ZMYM2: variants seen among roughly 807,000 people sequenced by gnomAD.
The protein encoded by ZMYM2 is zinc finger MYM-type containing 2.
In ZMYM2, 56 loss-of-function variants were observed where a neutral mutation model predicts 162.8. The ratio of observed to expected loss-of-function variants is 0.34; its 90% CI spans 0.28 to 0.43. The LOEUF (loss-of-function observed/expected upper bound fraction) is 0.43. Ranked by LOEUF, ZMYM2 falls within the 20% of genes least tolerant of loss-of-function variation. The probability of loss-of-function intolerance (pLI) is 1.00; values close to 1 mark genes in which losing one functional copy is unlikely to be tolerated. For missense variants in ZMYM2, 1,275 were observed against 1,621.8 expected (o/e 0.79, Z 3.67); for synonymous variants, 510 against 541.6 (o/e 0.94, Z 0.81).
intron 2 of ZMYM2, among the ~76,000 whole-genome samples, chr13:19,976,104 C>T (rs909630432): frequency 5.3e-5 from 8 of 151,990 alleles, no homozygotes; most frequent in African/African-American, 1.7e-4. Context: ...GAGGCCGAAG[C>T]GGGCAGATCA....
chr13:19,929,960 T>G, the ZMYM2 span, among the ~76,000 whole-genome samples: 1 of 152,214 alleles, frequency 6.6e-6, no homozygotes, highest in African/African-American at 2.4e-5. Context: ...AATAATACAC[T>G]GGCATAAAGC....
intron 11 of ZMYM2, among the ~76,000 whole-genome samples, chr13:20,034,762 C>T (rs901722179): frequency 1.3e-5 from 2 of 152,138 alleles, no homozygotes; most frequent in Admixed American, 1.3e-4. Context: ...ACTACCTAAC[C>T]TGCAAAGGTT....
intron 2 of ZMYM2, among the ~76,000 whole-genome samples, chr13:19,962,349 G>T (rs1955308421): frequency 6.6e-6 from 1 of 151,460 alleles, no homozygotes; most frequent in South Asian, 2.1e-4. Context: ...TGAAACCCTG[G>T]TGTCAAAAGG....
At chr13:19,985,789 T>C (rs552392813) in intron 2 of ZMYM2, among the ~76,000 whole-genome samples, 1 of 151,902 alleles carries the variant, frequency 6.6e-6, no homozygotes, top group East Asian at 1.9e-4. Flanking sequence ...GGCACAAGAA[T>C]TACTTGAACC....
chr13:20,019,567 C>T lies in ZMYM2; in HGVS notation c.1533C>T (p.Phe511=). Residue 511 remains phenylalanine, a synonymous_variant, in exon 7 of 25, where the codon TTC becomes TTT. Transcript: ENST00000610343. ...TTTAGGTAGGTAGCCATCCAAGCTT[C>T]CTGAAGGAGGTTCGAGATCACATGC... is the stretch of plus-strand genomic sequence containing the variant. The part of the protein sequence containing the change: ...EYKQVGSHPS[F]LKEVRDHMQD... 6.3e-7 allele frequency: 1 copy of T among 1,593,506 alleles called. No homozygotes were observed. Among genetic ancestry groups the T allele is most frequent in the Non-Finnish European group, 8.6e-7 (1 of 1,169,354 alleles).
the ZMYM2 span, among the ~76,000 whole-genome samples, chr13:19,909,132 TTA>T: frequency 6.6e-6 from 1 of 152,222 alleles, no homozygotes; most frequent in Non-Finnish European, 1.5e-5. Context: ...TTTCTGGATT[TTA>T]TGTTTATATA....
intron 11 of ZMYM2, among the ~76,000 whole-genome samples, chr13:20,035,123 C>A (rs1313944319): frequency 6.6e-6 from 1 of 152,108 alleles, no homozygotes; most frequent in East Asian, 1.9e-4. Context: ...TGTCTGCTAT[C>A]TTCACCTATA....
chr13:19,939,802 G>C, the ZMYM2 span, among the ~76,000 whole-genome samples: 1 of 152,112 alleles, frequency 6.6e-6, no homozygotes, highest in Non-Finnish European at 1.5e-5. Context: ...CAGAACTATA[G>C]TAAGCACTTT....
In ZMYM2 at chr13:20,066,937, G is replaced by T; in HGVS notation, c.3219G>T (p.Thr1073=). ...NSECSFPFKY[T]YGVNAWKHWV... ...AATGCAGCTTTCCTTTCAAATATAC[G>T]TATGGCGTAAATGCATGGAAACACT... The change falls in exon 20 of 25, where the codon ACG becomes ACT. Residue 1073 remains threonine, a synonymous_variant. Coordinates refer to ENST00000610343, the MANE Select transcript of ZMYM2 (RefSeq NM_197968.4). 1 of 1,613,440 alleles carries T rather than the reference G, an allele frequency of 6.2e-7. No homozygotes were observed. Among genetic ancestry groups the T allele is most frequent in the African/African-American group, 1.3e-5 (1 of 75,006 alleles).
At chr13:20,050,831 A>G (rs992495912) in intron 12 of ZMYM2, among the ~76,000 whole-genome samples, 1 of 152,064 alleles carries the variant, frequency 6.6e-6, no homozygotes, top group African/African-American at 2.4e-5. Flanking sequence ...ATGTGGGTCA[A>G]ATTGCTTGTC....
At position 19,993,652 on chromosome 13, in the gene ZMYM2, G is replaced by A; in HGVS notation, c.580G>A (p.Val194Ile). 1.2e-6 allele frequency: 2 copies of A among 1,614,060 alleles called. No homozygotes were observed. The highest frequency in any genetic ancestry group is 8.5e-7 in the Non-Finnish European group (1 of 1,179,930). ...TAATGTTACAACTTTAGAAACAGGT[G>A]TAAGCTCTGTGAATGATGGCCAATT... ...IANVTTLETG[V>I]SSVNDGQLEN... The change falls in exon 3 of 25, where the codon GTA becomes ATA. Residue 194 changes from valine to isoleucine, a missense_variant. Coordinates refer to ENST00000610343, the MANE Select transcript of ZMYM2 (RefSeq NM_197968.4).
Position 20,066,875 on chromosome 13 carries a change from G to A in ZMYM2, c.3157G>A (p.Gly1053Arg), listed in dbSNP as rs1219235230. 6.2e-7 allele frequency: 1 copy of A among 1,607,306 alleles called. No individual in the cohort carries two copies. Among genetic ancestry groups the A allele is most frequent in the Non-Finnish European group, 8.5e-7 (1 of 1,177,178 alleles). Residue 1053 changes from glycine to arginine, a missense_variant, in exon 20 of 25, where the codon GGA (glycine) becomes AGA (arginine). Around this residue, in one of 10 missense-constraint regions of ZMYM2, gnomAD observed 229 missense variants for 283.8 expected, o/e 0.81. Coordinates refer to ENST00000610343, the MANE Select transcript of ZMYM2 (RefSeq NM_197968.4). ...KKGAKRKAVS[G>R]YQSHDDSSDN... ...GGGAGCCAAGAGAAAGGCTGTATCA[G>A]GATACCAGTCTCATGATGATAGTTC...
intron 14 of ZMYM2, among the ~76,000 whole-genome samples, chr13:20,053,072 GCCAT>G (rs1955505192): frequency 6.6e-6 from 1 of 152,118 alleles, no homozygotes; most frequent in Admixed American, 6.5e-5. Context: ...GTTGAAAGTG[GCCAT>G]TGATGTTACT....
the ZMYM2 span, among the ~76,000 whole-genome samples, chr13:19,934,520 A>G: frequency 2.0e-5 from 3 of 152,160 alleles, no homozygotes; most frequent in African/African-American, 7.2e-5. Context: ...TAATAATACA[A>G]GCTTGTTAGC....
At chr13:20,045,288 A>G (rs1164595470) in intron 12 of ZMYM2, among the ~76,000 whole-genome samples, 1 of 152,176 alleles carries the variant, frequency 6.6e-6, no homozygotes, top group South Asian at 2.1e-4. Flanking sequence ...AAAAAGGAAG[A>G]TGCTTTCCAA....
chr13:19,947,798 T>C, the ZMYM2 span, among the ~76,000 whole-genome samples: 1 of 152,128 alleles, frequency 6.6e-6, no homozygotes, highest in Non-Finnish European at 1.5e-5. Context: ...CCGGCCGCTA[T>C]GTATCTCTTT....
the ZMYM2 span, among the ~76,000 whole-genome samples, chr13:19,880,824 T>A: frequency 1.3e-5 from 2 of 152,372 alleles, 1 homozygote; most frequent in East Asian, 3.9e-4. Flanking sequence ...TCCGGCTTCT[T>A]TGCTGAATTT....
At chr13:19,997,641 T>G (rs1950114097) in intron 3 of ZMYM2, among the ~76,000 whole-genome samples, 1 of 152,178 alleles carries the variant, frequency 6.6e-6, no homozygotes, top group Non-Finnish European at 1.5e-5. Context: ...AGTCTTTCAT[T>G]GTAACCTTGC....
At chr13:20,046,639 ATG>A (rs1305582922) in intron 12 of ZMYM2, among the ~76,000 whole-genome samples, 2 of 140,484 alleles carry the variant, frequency 1.4e-5, no homozygotes, top group African/African-American at 5.4e-5. Flanking sequence ...GTGTATATAT[ATG>A]TGTACATATG....
Sources: gnomAD v4.1 joint callset for allele counts (sites outside exome capture counted in the v4.1 genomes callset) on GRCh38, gnomAD v4.1.1 for gene constraint, gnomAD v4.1.1 regional missense constraint, MANE v1.5 for transcripts, NCBI Gene and HGNC (gene_info 2026-07-23, HGNC 2026-07-21) for gene names.